The following NXN variants were observed in gnomAD, a reference collection of about 807,000 sequenced individuals.
NXN encodes nucleoredoxin 1.
Under a neutral mutation model 48.6 loss-of-function variants are expected in NXN, and 16 were observed. The ratio of observed to expected loss-of-function variants is 0.33; its 90% confidence interval spans 0.22 to 0.50. NXN has a LOEUF of 0.50. Ranked by LOEUF, NXN falls within the 20% of genes least tolerant of loss-of-function variation. The pLI is 0.98. For synonymous variants in NXN, 281 were observed against 269.6 expected (o/e 1.04, Z -0.41); for missense variants, 492 against 605.5 (o/e 0.81, Z 1.97).
chr17:940,460 C>T (rs1344379891), intron 1 of NXN, among the ~76,000 whole-genome samples: 1 of 152,150 alleles, frequency 6.6e-6, no homozygotes, highest in Non-Finnish European at 1.5e-5. Flanking sequence ...GAAAAAGGGC[C>T]GTGGGCAACT....
In NXN at chr17:965,373, A is replaced by G. The variant is rs146266841; in HGVS notation, c.360+13946T>C. On this transcript the variant is annotated intron_variant, in intron 1 of 7. Coordinates refer to ENST00000336868, the MANE Select transcript of NXN (RefSeq NM_022463.5). ...CCGGCTTACTTTAGTTATCACACAC[A>G]CTTAGGAAAAGAAGGGATCTGTTAG... Among the ~76,000 whole-genome samples, 39 of 152,310 alleles carry G rather than the reference A, an allele frequency of 2.6e-4. No homozygotes were observed. In the East Asian group the frequency reaches 4.6e-3, roughly 18 times the overall value.
At chr17:803,205 G>C (rs138830382) in intron 7 of NXN, among the ~76,000 whole-genome samples, 5 of 152,296 alleles carry the variant, frequency 3.3e-5, no homozygotes, top group African/African-American at 1.2e-4. Context: ...TGAAACAGAC[G>C]GGGAGCGGCA....
At chr17:889,739 GAA>G (rs780436878) in intron 1 of NXN, among the ~76,000 whole-genome samples, 7,902 of 87,858 alleles carry the variant, frequency 0.09, 409 homozygotes, top group Middle Eastern at 0.14. Flanking sequence ...AAGAAAGAAA[GAA>G]AGAAAGAAAG....
intron 7 of NXN, 71 bp downstream of exon 7, chr17:803,611 G>A: frequency 1.9e-6 from 3 of 1,599,566 alleles, no homozygotes; most frequent in Non-Finnish European, 1.7e-6. Context: ...GCAACCCTGG[G>A]GCCAGGATCA....
intron 1 of NXN, among the ~76,000 whole-genome samples, chr17:927,453 A>G (rs1055701372): frequency 1.3e-5 from 2 of 151,752 alleles, no homozygotes; most frequent in African/African-American, 4.8e-5. Context: ...CACAGAAAAT[A>G]AAATAATCAG....
Position 885,980 on chromosome 17 carries a change from G to A in NXN, c.361-59902C>T, listed in dbSNP as rs557276617. ...TGGGATTATAGGCGTGAGCCACCGC[G>A]CCCAGCTGTGGTACTCACTTTTAAT... is the stretch of plus-strand genomic sequence containing the variant. On this transcript the variant is annotated intron_variant, in intron 1 of 7. Coordinates refer to ENST00000336868, the MANE Select transcript of NXN (RefSeq NM_022463.5). Among the ~76,000 whole-genome samples, 4 of 151,988 alleles carry A rather than the reference G, an allele frequency of 2.6e-5. 1 individual carries two copies. Among genetic ancestry groups the A allele is most frequent in the African/African-American group, 7.2e-5 (3 of 41,438 alleles).
chr17:871,530 G>T (rs555641020), intron 1 of NXN, among the ~76,000 whole-genome samples: 17 of 147,364 alleles, frequency 1.2e-4, no homozygotes, highest in Middle Eastern at 3.6e-3. Flanking sequence ...TCAGCCTCCC[G>T]AGTAGCTGGG....
intron 5 of NXN, among the ~76,000 whole-genome samples, chr17:812,271 C>T (rs570414731): frequency 6.6e-6 from 1 of 152,296 alleles, no homozygotes; most frequent in East Asian, 1.9e-4. Flanking sequence ...ACTCTGCCCT[C>T]ACATGACTCA....
chr17:891,904 C>T (rs1315902061), intron 1 of NXN, among the ~76,000 whole-genome samples: 3 of 131,402 alleles, frequency 2.3e-5, no homozygotes, highest in Admixed American at 7.7e-5. Context: ...CAACAGGGAA[C>T]CTAAACTAAC....
intron 1 of NXN, among the ~76,000 whole-genome samples, chr17:872,613 C>CTTTTTTTTTT (rs34081114): frequency 2.7e-5 from 2 of 75,418 alleles, no homozygotes; most frequent in African/African-American, 5.5e-5. Flanking sequence ...CGGGTGAGAT[C>CTTTTTTTTTT]TTTTTTTTTT....
At chr17:844,065 A>AGGTGGAGACCAGGC (rs1233294361) in intron 1 of NXN, among the ~76,000 whole-genome samples, 1 of 151,782 alleles carries the variant, frequency 6.6e-6, no homozygotes, top group Admixed American at 6.5e-5. Flanking sequence ...CTTAGCTGGA[A>AGGTGGAGACCAGGC]GGTGGAGACC....
chr17:950,324 C>G (rs973650509), intron 1 of NXN, among the ~76,000 whole-genome samples: 1 of 152,094 alleles, frequency 6.6e-6, no homozygotes, highest in Non-Finnish European at 1.5e-5. Flanking sequence ...GGAGTGGGTA[C>G]AGAGATGAAG....
chr17:822,569 C>T, intron 3 of NXN, 112 bp from the exon 4 acceptor site: 1 of 709,548 alleles, frequency 1.4e-6, no homozygotes, highest in Non-Finnish European at 2.5e-6. Flanking sequence ...ACAGCAAAAT[C>T]CCGTTCATGA....
chr17:824,158 G>C (rs1567818740), intron 2 of NXN, among the ~76,000 whole-genome samples: 3 of 151,524 alleles, frequency 2.0e-5, no homozygotes, highest in African/African-American at 4.9e-5. Flanking sequence ...CCCGGCCTCA[G>C]CCTCCCAAGT....
rs1460042415 is a variant in NXN, at chr17:969,214, A to T, written c.360+10105T>A. On this transcript the variant is annotated intron_variant, in intron 1 of 7. Transcript: ENST00000336868. ...CTAAGTACTTGTCAAATATTATGTC[A>T]TTCAATCCTTAACAACCACCCTAAG... 2.6e-5 allele frequency among the ~76,000 whole-genome samples: 4 copies of T among 152,144 alleles called. No homozygotes were observed. The East Asian group carries it at 7.7e-4, about 29-fold the overall frequency.
intron 5 of NXN, among the ~76,000 whole-genome samples, chr17:818,764 A>T (rs1253221679): frequency 6.6e-6 from 1 of 151,846 alleles, no homozygotes; most frequent in Non-Finnish European, 1.5e-5. Context: ...GGGCGCCTGT[A>T]GTCCCAGCTA....
At chr17:912,919 A>G (rs2068650835) in intron 1 of NXN, among the ~76,000 whole-genome samples, 1 of 152,022 alleles carries the variant, frequency 6.6e-6, no homozygotes, top group African/African-American at 2.4e-5. Flanking sequence ...GCACCACCGC[A>G]CTCCAGCCTG....
intron 1 of NXN, among the ~76,000 whole-genome samples, chr17:902,522 C>T (rs11652999): frequency 6.6e-6 from 1 of 151,942 alleles, no homozygotes; most frequent in Non-Finnish European, 1.5e-5. Context: ...TCCCCTCCCC[C>T]AAAAGGTGAG....
chr17:818,121 A>C (rs533183317), intron 5 of NXN, among the ~76,000 whole-genome samples: 18 of 151,814 alleles, frequency 1.2e-4, no homozygotes, highest in African/African-American at 4.1e-4. Flanking sequence ...ATGAGCAGGG[A>C]GTGGTGGTGT....
Sources: gnomAD v4.1 joint callset for allele counts (sites outside exome capture counted in the v4.1 genomes callset) on GRCh38, gnomAD v4.1.1 for gene constraint, MANE v1.5 for transcripts, NCBI Gene and HGNC (gene_info 2026-07-23, HGNC 2026-07-21) for gene names.